The following PDE4B variants were observed in gnomAD, a reference collection of about 807,000 sequenced individuals.
The protein encoded by PDE4B is phosphodiesterase 4B.
PDE4B carries 20 observed loss-of-function variants against 82.2 expected under a neutral mutation model. The observed-to-expected ratio is 0.24, with a 90% CI of 0.17 to 0.35. The LOEUF (loss-of-function observed/expected upper bound fraction) is 0.35. PDE4B is among the 10% of genes least tolerant of loss of function. PDE4B has a pLI of 1.00. For missense variants in PDE4B, 655 were observed against 907.2 expected, an observed-to-expected ratio of 0.72 and a Z score of 3.57; for synonymous variants, 320 against 318.9, an observed-to-expected ratio of 1.00 and a Z score of -0.04.
chr1:65,971,221 G>A (rs904454111), intron 3 of PDE4B, among the ~76,000 whole-genome samples: 1 of 151,886 alleles, frequency 6.6e-6, no homozygotes, highest in Non-Finnish European at 1.5e-5. Context: ...TAGACGCTAG[G>A]CAATTGAGAT....
At position 66,310,308 on chromosome 1, in the gene PDE4B, G is replaced by A. The variant is rs950725541; in HGVS notation, c.635-22200G>A. Among the ~76,000 whole-genome samples, 7 of 152,196 alleles carry A rather than the reference G, an allele frequency of 4.6e-5. No individual in the cohort carries two copies. In the South Asian group the frequency reaches 8.3e-4, roughly 18 times the overall value. On this transcript the variant is annotated intron_variant, in intron 7 of 16. Transcript: ENST00000341517. ...TTTAGAGTGAGCTGGTGATAAAGCCGGGACTATAACTCAAATCTCCCAATA... is the reference window on the plus strand; with the variant it reads ...TTTAGAGTGAGCTGGTGATAAAGCCAGGACTATAACTCAAATCTCCCAATA...
chr1:66,204,229 C>T (rs1046225192), intron 3 of PDE4B, among the ~76,000 whole-genome samples: 6 of 152,156 alleles, frequency 3.9e-5, no homozygotes, highest in Admixed American at 1.3e-4. Flanking sequence ...GAGGAGTACC[C>T]GGCTGTGTGA....
intron 3 of PDE4B, among the ~76,000 whole-genome samples, chr1:66,212,110 C>G (rs1035874802): frequency 6.6e-6 from 1 of 152,202 alleles, no homozygotes; most frequent in African/African-American, 2.4e-5. Context: ...CCTTAGTCTC[C>G]TCTTCCAAGA....
chr1:66,294,583 T>G (rs1435910842), intron 7 of PDE4B, among the ~76,000 whole-genome samples: 1 of 152,208 alleles, frequency 6.6e-6, no homozygotes. Context: ...ATGCCTGTGC[T>G]TTGCAAACAG....
At chr1:66,114,617 A>T (rs971710517) in intron 3 of PDE4B, among the ~76,000 whole-genome samples, 1 of 151,620 alleles carries the variant, frequency 6.6e-6, no homozygotes, top group South Asian at 2.1e-4. Context: ...ATCTCCTTGC[A>T]TACAGTAGCC....
intron 3 of PDE4B, among the ~76,000 whole-genome samples, chr1:66,029,264 G>C (rs375839599): frequency 6.6e-6 from 1 of 152,144 alleles, no homozygotes; most frequent in East Asian, 1.9e-4. Context: ...ACTATCACGA[G>C]GGTAGCATGG....
intron 16 of PDE4B, among the ~76,000 whole-genome samples, chr1:66,371,776 A>G (rs1442022842): frequency 1.3e-5 from 2 of 152,250 alleles, no homozygotes; most frequent in Non-Finnish European, 1.5e-5. Context: ...TTGGAATAGC[A>G]ACATATTTTA....
chr1:66,092,967 C>T (rs566095899), intron 3 of PDE4B, among the ~76,000 whole-genome samples: 134 of 152,094 alleles, frequency 8.8e-4, no homozygotes, highest in African/African-American at 2.7e-3. Context: ...AGAAAAAGTT[C>T]GGAAATGTGG....
chr1:65,931,981 C>T (rs1254949197), intron 3 of PDE4B, among the ~76,000 whole-genome samples: 1 of 152,192 alleles, frequency 6.6e-6, no homozygotes, highest in Non-Finnish European at 1.5e-5. Context: ...TATCCTTTCC[C>T]TCAGCTCAAC....
chr1:66,249,703 C>T (rs185414707), intron 4 of PDE4B, among the ~76,000 whole-genome samples: 5 of 149,666 alleles, frequency 3.3e-5, no homozygotes, highest in Admixed American at 2.7e-4. Context: ...ACTTTAGAAC[C>T]TAAATTTTCC....
At chr1:66,006,585 G>C (rs745804851) in intron 3 of PDE4B, among the ~76,000 whole-genome samples, 2 of 152,024 alleles carry the variant, frequency 1.3e-5, no homozygotes, top group Admixed American at 6.6e-5. Context: ...TGGTTTGGCT[G>C]TATCTCCACC....
chr1:65,854,750 A>C (rs1646373066), intron 1 of PDE4B, among the ~76,000 whole-genome samples: 1 of 151,824 alleles, frequency 6.6e-6, no homozygotes, highest in African/African-American at 2.4e-5. Context: ...CTTTTCATTA[A>C]ATTTATTAAA....
At chr1:66,015,289 C>T (rs983218599) in intron 3 of PDE4B, among the ~76,000 whole-genome samples, 1 of 152,062 alleles carries the variant, frequency 6.6e-6, no homozygotes, top group African/African-American at 2.4e-5. Context: ...ATTGTTTTGG[C>T]CTAGCTGCTC....
At chr1:66,133,035 A>T (rs1406951175) in intron 3 of PDE4B, among the ~76,000 whole-genome samples, 1 of 152,294 alleles carries the variant, frequency 6.6e-6, no homozygotes, top group Admixed American at 6.5e-5. Context: ...ACTTGCTTTG[A>T]GGGCATGCAT....
intron 3 of PDE4B, among the ~76,000 whole-genome samples, chr1:66,064,135 T>C (rs1373944717): frequency 1.3e-5 from 2 of 152,018 alleles, no homozygotes; most frequent in East Asian, 3.8e-4. Flanking sequence ...ACTTATATTT[T>C]AGGTTTCGCT....
intron 1 of PDE4B, among the ~76,000 whole-genome samples, chr1:65,834,625 G>A (rs1646120703): frequency 6.6e-6 from 1 of 152,148 alleles, no homozygotes; most frequent in South Asian, 2.1e-4. Flanking sequence ...ATAGTCCCAT[G>A]AGAGAAGTAT....
chr1:66,257,442 A>G, intron 4 of PDE4B: 1 of 759,806 alleles, frequency 1.3e-6, no homozygotes, highest in Non-Finnish European at 2.5e-6. Flanking sequence ...TAAATTCAGG[A>G]GTCATGAATC....
intron 3 of PDE4B, among the ~76,000 whole-genome samples, chr1:66,214,295 G>T (rs950378189): frequency 4.6e-5 from 7 of 152,246 alleles, no homozygotes; most frequent in African/African-American, 1.4e-4. Flanking sequence ...AAGATCAAAA[G>T]TATTCTCAGA....
At chr1:66,129,285 T>C (rs1645885262) in intron 3 of PDE4B, among the ~76,000 whole-genome samples, 1 of 151,988 alleles carries the variant, frequency 6.6e-6, no homozygotes, top group East Asian at 1.9e-4. Context: ...GAAATTACAG[T>C]GGGTGGGGAT....
Sources: allele counts gnomAD v4.1 joint callset (sites outside exome capture counted in the v4.1 genomes callset), GRCh38; gene constraint gnomAD v4.1.1; transcripts MANE v1.5; gene names NCBI Gene and HGNC (gene_info 2026-07-23, HGNC 2026-07-21).